GIPC2: variants seen among roughly 807,000 people sequenced by gnomAD.
GIPC2 encodes the protein GIPC PDZ domain containing family member 2, also known as PDZ domain-containing protein GIPC2.
Under a neutral mutation model 30.6 loss-of-function variants are expected in GIPC2, and 30 were observed. The observed-to-expected ratio is 0.98, with a 90% CI of 0.73 to 1.33. GIPC2 has a LOEUF of 1.33. Among genes scored for constraint, GIPC2 ranks in the 40% most tolerant of loss-of-function variants. The pLI, the probability that GIPC2 is intolerant of heterozygous loss-of-function variation, is 0.00. For missense variants in GIPC2, 414 were observed against 390.3 expected (o/e 1.06, Z -0.51); for synonymous variants, 167 against 150.0 (o/e 1.11, Z -0.83).
At chr1:78,064,727 C>A (rs974757467) in intron 1 of GIPC2, among the ~76,000 whole-genome samples, 4 of 144,814 alleles carry the variant, frequency 2.8e-5, no homozygotes, top group Non-Finnish European at 4.5e-5. Context: ...GTGGTACAAT[C>A]ATAACTCATG....
intron 5 of GIPC2, among the ~76,000 whole-genome samples, chr1:78,131,469 A>G (rs1662897359): frequency 6.6e-6 from 1 of 152,110 alleles, no homozygotes; most frequent in Admixed American, 6.5e-5. Flanking sequence ...CGGCCTCCCA[A>G]AGAAAATTCT....
chr1:78,112,428 T>C (rs1244902194), intron 3 of GIPC2: 1 of 518,928 alleles, frequency 1.9e-6, no homozygotes, highest in Non-Finnish European at 3.8e-6. Context: ...ATCTTTGGGC[T>C]ATTTCTTGTT....
intron 2 of GIPC2, chr1:78,091,626 C>G (rs1043683670): frequency 5.2e-6 from 4 of 770,038 alleles, no homozygotes; most frequent in Non-Finnish European, 9.7e-6. Context: ...TCTGCCATCC[C>G]CATCTGGTTA....
At chr1:78,120,284 A>G (rs668766) in intron 4 of GIPC2, among the ~76,000 whole-genome samples, 37,326 of 151,932 alleles carry the variant, frequency 0.25, 5,117 homozygotes, top group East Asian at 0.67. Flanking sequence ...AGTCATGCTG[A>G]TCTCCTTGCT....
chr1:78,083,993 A>G (rs540308663), intron 2 of GIPC2, among the ~76,000 whole-genome samples: 4 of 146,664 alleles, frequency 2.7e-5, no homozygotes, highest in African/African-American at 9.8e-5. Flanking sequence ...AGCTGTGCTC[A>G]TACACTGAAG....
intron 2 of GIPC2, among the ~76,000 whole-genome samples, chr1:78,092,439 TGTTATAG>T (rs1243770136): frequency 6.6e-6 from 1 of 152,204 alleles, no homozygotes; most frequent in Non-Finnish European, 1.5e-5. Context: ...AGTTCCTGAG[TGTTATAG>T]AGAATAGTAT....
chr1:78,112,562 G>A, intron 3 of GIPC2: 1 of 518,972 alleles, frequency 1.9e-6, no homozygotes, highest in East Asian at 5.4e-5. Flanking sequence ...CATGGGACCA[G>A]AACAAGGCCT....
chr1:78,096,137 A>C lies in GIPC2; in HGVS notation c.607+1005A>C, dbSNP rs539683628. Among the ~76,000 whole-genome samples the C allele has an allele frequency of 3.3e-5, 5 of 152,268 alleles. No homozygotes were observed. In the South Asian group the frequency reaches 1.0e-3, roughly 32 times the overall value. ...GAGGCAGTTTTCCAGAAGGTGTAAG[A>C]AAAAGATGCCTTATACCAGTACCTC... On this transcript the variant is annotated intron_variant, in intron 3 of 5. Coordinates refer to ENST00000370759, the MANE Select transcript of GIPC2 (RefSeq NM_017655.6).
chr1:78,118,969 T>C (rs926086678), intron 3 of GIPC2, among the ~76,000 whole-genome samples: 2 of 152,142 alleles, frequency 1.3e-5, no homozygotes, highest in African/African-American at 4.8e-5. Flanking sequence ...CTCTCTTTTT[T>C]TTCCTTTAAA....
Position 78,096,648 on chromosome 1 carries a change from TTTCCC to T in GIPC2, c.607+1520_607+1524del, listed in dbSNP as rs377047270. On this transcript the variant is annotated intron_variant, in intron 3 of 5. Transcript: ENST00000370759. Reference sequence around the variant, plus strand: ...AGCTATTATTGTTCCATGATTAGATTTTCCCTTCAGTGTTGTAGACATGAGTAGAG... The same window carrying T: ...AGCTATTATTGTTCCATGATTAGATTTTCAGTGTTGTAGACATGAGTAGAG... Among the ~76,000 whole-genome samples, 224 of 152,306 alleles carry T rather than the reference TTTCCC, an allele frequency of 1.5e-3. 4 individuals are homozygous for T. Among genetic ancestry groups the T allele is most frequent in the African/African-American group, 5.3e-3 (219 of 41,564 alleles).
rs143598811 is a variant in GIPC2 at position 78,116,042 on chromosome 1, T to C, written c.608-3351T>C. ...CTGGGTAATTTATAAAGAAAAGAGG[T>C]TTAATTGATTCATAGTTCCACATGG... On this transcript the variant is annotated intron_variant, in intron 3 of 5. Transcript: ENST00000370759. 3.0e-3 allele frequency among the ~76,000 whole-genome samples: 462 copies of C among 152,152 alleles called. 1 individual carries two copies. Among genetic ancestry groups the C allele is most frequent in the African/African-American group, 0.011 (448 of 41,512 alleles).
intron 2 of GIPC2, among the ~76,000 whole-genome samples, chr1:78,083,895 T>G (rs543077306): frequency 2.0e-5 from 3 of 152,358 alleles, no homozygotes; most frequent in African/African-American, 7.2e-5. Context: ...AGACCCATCT[T>G]GTATCTCCTT....
intron 3 of GIPC2, among the ~76,000 whole-genome samples, chr1:78,100,941 T>TAC (rs71590709): frequency 0.057 from 6,507 of 114,842 alleles, 224 homozygotes; most frequent in Non-Finnish European, 0.076. Flanking sequence ...AAAAAAAAAA[T>TAC]ACACACACAC....
chr1:78,045,889 C>G, upstream of GIPC2: 1 of 1,341,270 alleles, frequency 7.5e-7, no homozygotes, highest in Non-Finnish European at 9.5e-7. Flanking sequence ...TCTCCAGATC[C>G]ATCCCGGGGG....
chr1:78,058,587 T>G (rs1341284247), intron 1 of GIPC2, among the ~76,000 whole-genome samples: 3 of 152,294 alleles, frequency 2.0e-5, no homozygotes, highest in East Asian at 3.9e-4. Flanking sequence ...TCCTAAAATG[T>G]GTTCCAAGCA....
At position 78,046,351 on chromosome 1, in the gene GIPC2, T is replaced by C; in HGVS notation, c.240+17T>C. ...CCGTCGGAGGTAAGGCGCCAGGTGC[T>C]CAGGCTCTCCCGCCTCTCCGCCGCG... On this transcript the variant is annotated intron_variant, in intron 1 of 5. Transcript: ENST00000370759. 6.3e-7 allele frequency: 1 copy of C among 1,594,136 alleles called. No homozygotes were observed. The highest frequency in any genetic ancestry group is 1.3e-5 in the African/African-American group (1 of 74,396).
intron 1 of GIPC2, among the ~76,000 whole-genome samples, chr1:78,065,560 T>C (rs1380669742): frequency 6.6e-6 from 1 of 151,694 alleles, no homozygotes; most frequent in Non-Finnish European, 1.5e-5. Flanking sequence ...TTAAAATTCA[T>C]ATGGAAAGAC....
Position 78,046,012 on chromosome 1 carries a change from G to T in GIPC2, c.-83G>T. ...TGGAGGCTGCTTTTACCTGCGCGGGGCCCGGGGCGCAAAGTCCGAGGCGCC... is the reference window on the plus strand; with the variant it reads ...TGGAGGCTGCTTTTACCTGCGCGGGTCCCGGGGCGCAAAGTCCGAGGCGCC... On this transcript the variant is annotated 5_prime_UTR_variant, in exon 1 of 6. Coordinates refer to ENST00000370759, the MANE Select transcript of GIPC2 (RefSeq NM_017655.6). 7.2e-7 allele frequency: 1 copy of T among 1,395,474 alleles called. No individual in the cohort carries two copies. Among genetic ancestry groups the T allele is most frequent in the Non-Finnish European group, 9.3e-7 (1 of 1,077,696 alleles). The allele number at this position is 1,395,474 out of a possible 1,614,324, so 86.4% of individuals were successfully genotyped here.
chr1:78,107,603 T>A (rs1475915769), intron 3 of GIPC2, among the ~76,000 whole-genome samples: 1 of 151,966 alleles, frequency 6.6e-6, no homozygotes, highest in East Asian at 1.9e-4. Flanking sequence ...GGCAAGCAGA[T>A]AACTTGAGGT....
Sources: allele counts gnomAD v4.1 joint callset (sites outside exome capture counted in the v4.1 genomes callset), GRCh38; gene constraint gnomAD v4.1.1; transcripts MANE v1.5; gene names NCBI Gene and HGNC (gene_info 2026-07-23, HGNC 2026-07-21).